ANO10: variants seen among roughly 807,000 people sequenced by gnomAD.
ANO10 encodes anoctamin-10.
In ANO10, 77 loss-of-function variants were observed where a neutral mutation model predicts 74.7. That is an observed-to-expected ratio of 1.03 (90% CI 0.86 to 1.25). The LOEUF (loss-of-function observed/expected upper bound fraction) is 1.25, where lower values mean the gene tolerates loss of function less well. ANO10 is among the 50% of genes most tolerant of loss of function. The pLI, the probability that ANO10 is intolerant of heterozygous loss-of-function variation, is 0.00. For synonymous variants in ANO10, 279 were observed against 284.9 expected (o/e 0.98, Z 0.21); for missense variants, 721 against 778.1 (o/e 0.93, Z 0.87).
rs568814761 is a variant in ANO10 at position 43,477,821 on chromosome 3, C to T, written c.1798-45094G>A. Among the ~76,000 whole-genome samples the T allele has an allele frequency of 5.9e-5, 9 of 152,210 alleles. No individual in the cohort carries two copies. The East Asian group carries it at 9.7e-4, about 16-fold the overall frequency. On this transcript the variant is annotated intron_variant, in intron 11 of 12. Coordinates refer to ENST00000292246, the MANE Select transcript of ANO10 (RefSeq NM_018075.5). ...CATAGAAGGTGCCTGTTGCTCATTA[C>T]GGGCAGAAAAAAGAGCCATTATCAC...
intron 11 of ANO10, among the ~76,000 whole-genome samples, chr3:43,547,871 T>G (rs1265148700): frequency 6.6e-6 from 1 of 152,098 alleles, no homozygotes; most frequent in Non-Finnish European, 1.5e-5. Context: ...CTAGAGAAAG[T>G]GAGGGCAAAA....
intron 11 of ANO10, among the ~76,000 whole-genome samples, chr3:43,513,285 G>T (rs1305747067): frequency 6.6e-6 from 1 of 152,070 alleles, no homozygotes; most frequent in African/African-American, 2.4e-5. Flanking sequence ...ACTCAGTACT[G>T]GGAAATGATT....
At chr3:43,650,417 G>C (rs57834506) in intron 1 of ANO10, among the ~76,000 whole-genome samples, 20,550 of 152,124 alleles carry the variant, frequency 0.14, 2,987 homozygotes, top group African/African-American at 0.36. Flanking sequence ...TGAGCAAAAT[G>C]ATCAAGGATA....
intron 11 of ANO10, among the ~76,000 whole-genome samples, chr3:43,480,232 T>G (rs938268610): frequency 1.3e-5 from 2 of 151,906 alleles, no homozygotes; most frequent in Non-Finnish European, 2.9e-5. Flanking sequence ...ATACAACAAA[T>G]GGTAAGTCCA....
At chr3:43,367,741 G>C (rs971135747) in intron 12 of ANO10, among the ~76,000 whole-genome samples, 1 of 151,962 alleles carries the variant, frequency 6.6e-6, no homozygotes, top group East Asian at 1.9e-4. Flanking sequence ...CAGTCACTTC[G>C]GTTTTATGGC....
At chr3:43,568,505 C>T (rs1458251536) in intron 7 of ANO10, among the ~76,000 whole-genome samples, 278 of 140,326 alleles carry the variant, frequency 2.0e-3, no homozygotes, top group South Asian at 5.2e-3. Context: ...ACAGTGCAAT[C>T]AAACTAGAAC....
chr3:43,494,903 T>C (rs2076859468), intron 11 of ANO10, among the ~76,000 whole-genome samples: 1 of 152,126 alleles, frequency 6.6e-6, no homozygotes, highest in Admixed American at 6.5e-5. Flanking sequence ...TTGTTGAAGC[T>C]GAACTAAGTA....
intron 11 of ANO10, among the ~76,000 whole-genome samples, chr3:43,503,471 C>G (rs1050003489): frequency 7.2e-5 from 11 of 152,152 alleles, no homozygotes; most frequent in African/African-American, 2.4e-4. Flanking sequence ...AATGTGATGG[C>G]TCCAAAGCCA....
At position 43,576,820 on chromosome 3, in the gene ANO10, C is replaced by A. The variant is rs1412558931; in HGVS notation, c.1034G>T (p.Gly345Val). 6.2e-7 allele frequency: 1 copy of A among 1,614,140 alleles called. No homozygotes were observed. Among genetic ancestry groups the A allele is most frequent in the African/African-American group, 1.3e-5 (1 of 75,022 alleles). The change falls in exon 6 of 13, where the codon GGT becomes GTT. Residue 345 changes from glycine (G) to valine (V), a missense_variant. Transcript: ENST00000292246. The part of the protein sequence containing the change: ...IYFDMEVWAL[G>V]LHENSGSEWT... ...CTCAGACCCGCTGTTCTCATGTAGA[C>A]CCAAGGCCCAAACCTCCATGTCGAA...
intron 12 of ANO10, among the ~76,000 whole-genome samples, chr3:43,411,103 T>G (rs1003577144): frequency 2.0e-5 from 3 of 152,172 alleles, no homozygotes; most frequent in African/African-American, 7.2e-5. Flanking sequence ...TCCATAATTA[T>G]GTCTACAGCC....
At chr3:43,508,366 C>T (rs958723141) in intron 11 of ANO10, among the ~76,000 whole-genome samples, 7 of 152,132 alleles carry the variant, frequency 4.6e-5, no homozygotes, top group Admixed American at 4.6e-4. Context: ...AAACTTCAGC[C>T]ATTGTGGAAG....
At chr3:43,445,566 A>C (rs2093232751) in intron 11 of ANO10, among the ~76,000 whole-genome samples, 1 of 152,224 alleles carries the variant, frequency 6.6e-6, no homozygotes, top group African/African-American at 2.4e-5. Flanking sequence ...ATCTAAAAAC[A>C]ACTCAGCAAA....
intron 11 of ANO10, among the ~76,000 whole-genome samples, chr3:43,480,890 C>T (rs2149084867): frequency 6.6e-6 from 1 of 152,192 alleles, no homozygotes; most frequent in African/African-American, 2.4e-5. Flanking sequence ...CTCAATTATG[C>T]TTAAGGAAAC....
At chr3:43,442,190 AAAAT>A (rs1365629294) in intron 11 of ANO10, among the ~76,000 whole-genome samples, 1 of 152,018 alleles carries the variant, frequency 6.6e-6, no homozygotes, top group Non-Finnish European at 1.5e-5. Context: ...TAAATAAATA[AAAAT>A]AAATAAAAGG....
At chr3:43,472,953 A>G (rs569515648) in intron 11 of ANO10, among the ~76,000 whole-genome samples, 23 of 152,332 alleles carry the variant, frequency 1.5e-4, no homozygotes, top group African/African-American at 5.0e-4. Context: ...CATAAAAATA[A>G]AGCAAATATA....
chr3:43,562,688 A>G (rs139690338), intron 8 of ANO10, among the ~76,000 whole-genome samples: 1 of 151,966 alleles, frequency 6.6e-6, no homozygotes, highest in Non-Finnish European at 1.5e-5. Context: ...CTAAAAAAAA[A>G]AAAGAAGAAT....
chr3:43,583,325 T>C (rs755200323), intron 4 of ANO10, among the ~76,000 whole-genome samples: 1 of 152,178 alleles, frequency 6.6e-6, no homozygotes, highest in Non-Finnish European at 1.5e-5. Context: ...GAAACCATGA[T>C]GCCATGTGGG....
intron 1 of ANO10, among the ~76,000 whole-genome samples, chr3:43,689,011 A>G (rs1451099459): frequency 6.6e-6 from 1 of 152,190 alleles, no homozygotes; most frequent in Non-Finnish European, 1.5e-5. Flanking sequence ...GGCATCTTAC[A>G]TGACTAGAGC....
intron 1 of ANO10, among the ~76,000 whole-genome samples, chr3:43,686,091 CAG>C (rs2084271120): frequency 6.6e-6 from 1 of 152,136 alleles, no homozygotes; most frequent in Non-Finnish European, 1.5e-5. Flanking sequence ...TTCCAGGATC[CAG>C]CCCCCAGGGC....
Sources: allele counts gnomAD v4.1 joint callset (sites outside exome capture counted in the v4.1 genomes callset), GRCh38; gene constraint gnomAD v4.1.1; transcripts MANE v1.5; gene names NCBI Gene and HGNC (gene_info 2026-07-23, HGNC 2026-07-21).